Variants in SPHK1 observed in about 807,000 individuals in gnomAD.
SPHK1 encodes SK 1.
In SPHK1, 10 loss-of-function variants were observed where a neutral mutation model predicts 14.6. The observed-to-expected ratio is 0.68, with a 90% CI of 0.42 to 1.16. The LOEUF is 1.16. Among genes scored for constraint, SPHK1 ranks in the 50% most tolerant of loss-of-function variants. The pLI is 0.00. For missense variants in SPHK1, 553 were observed against 525.4 expected (o/e 1.05, Z -0.51); for synonymous variants, 274 against 224.0 (o/e 1.22, Z -1.99).
In SPHK1 at chr17:76,386,867, CT is replaced by C. The variant is rs1319363802; in HGVS notation, c.437del (p.Leu146ArgfsTer5). 6.2e-7 allele frequency: 1 copy of C among 1,602,680 alleles called. No homozygotes were observed. The highest frequency in any genetic ancestry group is 1.1e-5 in the South Asian group (1 of 90,092). ...TNCTLLLCRR[L>X]LSPMNLLSLH... ...CTGCACGCTATTGCTGTGCCGCCGG[CT>C]GCTGTCACCCATGAACCTGCTGTCT... On this transcript the variant is annotated frameshift_variant, in exon 6 of 6. Coordinates refer to ENST00000592299, the MANE Select transcript of SPHK1 (RefSeq NM_001142601.2). LOFTEE classifies it low-confidence loss of function (END_TRUNC). The surrounding 1 kb of genome is among the most constrained non-coding windows in gnomAD (Gnocchi z 5.3).
At position 76,386,568 on chromosome 17, in the gene SPHK1, TTTC is replaced by T; in HGVS notation, c.374+63_374+65del. ...GTCAGTGCTCCTCTACCGCGGGGGTTTTCTTGTCTAAGCTCCCATAGGCTGAGA... is the reference window on the plus strand; with the variant it reads ...GTCAGTGCTCCTCTACCGCGGGGGTTTTGTCTAAGCTCCCATAGGCTGAGA... On this transcript the variant is annotated intron_variant, in intron 5 of 5. Transcript: ENST00000592299. The surrounding 1 kb of genome is among the most constrained non-coding windows in gnomAD (Gnocchi z 5.3). 1.3e-6 allele frequency: 2 copies of T among 1,496,956 alleles called. No individual in the cohort carries two copies. Among genetic ancestry groups the T allele is most frequent in the Non-Finnish European group, 1.8e-6 (2 of 1,097,400 alleles). The allele number at this position is 1,496,956 out of a possible 1,614,324, so 92.7% of individuals were successfully genotyped here. A position where few individuals can be genotyped will look rare whatever the true frequency, so the allele number is the denominator to read the frequency against.
chr17:76,385,225 G>A lies in SPHK1; in HGVS notation c.-194-226G>A. ...GGGGCTCTGACTCATCCGTCGGGCCGGAACCGAACCCCAAGCCCCAGGGAG... is the reference window on the plus strand; with the variant it reads ...GGGGCTCTGACTCATCCGTCGGGCCAGAACCGAACCCCAAGCCCCAGGGAG... On this transcript the variant is annotated intron_variant, in intron 1 of 5. Coordinates refer to ENST00000592299, the MANE Select transcript of SPHK1 (RefSeq NM_001142601.2). This position sits in a 1 kb window ranked among gnomAD's most constrained non-coding sequence, Gnocchi z 5.3. 1.3e-6 allele frequency: 2 copies of A among 1,547,716 alleles called. No individual in the cohort carries two copies. Among genetic ancestry groups the A allele is most frequent in the Non-Finnish European group, 1.7e-6 (2 of 1,146,168 alleles).
rs2072021317 is a variant in SPHK1, at chr17:76,387,725, G to T, written c.*139G>T. ...GGTGAGAAGGTGGAGGCTATGCTTT[G>T]GGGGGACAGGCCAGAATGAAGTCCT... On this transcript the variant is annotated 3_prime_UTR_variant, in exon 6 of 6. Transcript: ENST00000592299. This position sits in a 1 kb window ranked among gnomAD's most constrained non-coding sequence, Gnocchi z 4.1. 1.9e-6 allele frequency: 2 copies of T among 1,028,296 alleles called. No individual in the cohort carries two copies. Among genetic ancestry groups the T allele is most frequent in the Middle Eastern group, 3.2e-4 (1 of 3,136 alleles). 63.7% of individuals were successfully genotyped at this position (1,028,296 alleles called of 1,614,324 possible).
Position 76,386,076 on chromosome 17 carries a change from C to A in SPHK1, c.102C>A (p.Phe34Leu). The A allele has an allele frequency of 6.2e-7, 1 of 1,607,002 alleles. No individual in the cohort carries two copies. Among genetic ancestry groups the A allele is most frequent in the Non-Finnish European group, 8.5e-7 (1 of 1,176,468 alleles). The change falls in exon 3 of 6, where the codon TTC becomes TTA. Residue 34 changes from phenylalanine to leucine, a missense_variant. Physicochemically the swap from Phe to Leu is conservative, Grantham distance 22. Coordinates refer to ENST00000592299, the MANE Select transcript of SPHK1 (RefSeq NM_001142601.2). The surrounding 1 kb of genome is among the most constrained non-coding windows in gnomAD (Gnocchi z 5.3). ...GCAAGGGCAAGGCCTTGCAGCTCTT[C>A]CGGAGTCACGTGCAGCCCCTTTTGG... is the stretch of plus-strand genomic sequence containing the variant. ...RGGKGKALQL[F>L]RSHVQPLLAE...
Position 76,385,135 on chromosome 17 carries a change from C to A in SPHK1, c.-194-316C>A. ...CCGCTCAAGTTCTGGGATTTTTACGCAGCTGGACTCCCCTCCCCCTGGCAG... is the reference window on the plus strand; with the variant it reads ...CCGCTCAAGTTCTGGGATTTTTACGAAGCTGGACTCCCCTCCCCCTGGCAG... On this transcript the variant is annotated intron_variant, in intron 1 of 5. Transcript: ENST00000592299. The surrounding 1 kb of genome is among the most constrained non-coding windows in gnomAD (Gnocchi z 5.3). The A allele has an allele frequency of 6.3e-7, 1 of 1,593,250 alleles. No individual in the cohort carries two copies.
Position 76,386,243 on chromosome 17 carries a change from G to A in SPHK1, c.186G>A (p.Glu62=), listed in dbSNP as rs1307057281. Reference sequence around the variant, plus strand: ...CAGAGCGGCGGAACCACGCGCGGGAGCTGGTGCGGTCGGAGGAGCTGGGCC... The same window carrying A: ...CAGAGCGGCGGAACCACGCGCGGGAACTGGTGCGGTCGGAGGAGCTGGGCC... ...MLTERRNHAR[E]LVRSEELGRW... The change falls in exon 4 of 6, where the codon GAG becomes GAA. Residue 62 remains glutamate, a synonymous_variant. Coordinates refer to ENST00000592299, the MANE Select transcript of SPHK1 (RefSeq NM_001142601.2). The surrounding 1 kb of genome is among the most constrained non-coding windows in gnomAD (Gnocchi z 5.3). 2 of 1,595,126 alleles carry A rather than the reference G, an allele frequency of 1.3e-6. No homozygotes were observed. Among genetic ancestry groups the A allele is most frequent in the Non-Finnish European group, 1.7e-6 (2 of 1,176,490 alleles).
chr17:76,383,892 A>G, upstream of SPHK1: 1 of 1,258,746 alleles, frequency 7.9e-7, no homozygotes, highest in Non-Finnish European at 1.0e-6. Context: ...AGGCCCATCT[A>G]CACTGTCAAG....
chr17:76,386,196 C>T lies in SPHK1; in HGVS notation c.164-25C>T. 1.3e-6 allele frequency: 2 copies of T among 1,595,176 alleles called. No homozygotes were observed. The highest frequency in any genetic ancestry group is 1.1e-5 in the South Asian group (1 of 90,474). Reference sequence around the variant, plus strand: ...CCCCTGGCAGGGGACCCCCCCAGTCCTGATAGCTGCCGGTCTCCCTGCAGA... The same window carrying T: ...CCCCTGGCAGGGGACCCCCCCAGTCTTGATAGCTGCCGGTCTCCCTGCAGA... On this transcript the variant is annotated intron_variant, in intron 3 of 5. Coordinates refer to ENST00000592299, the MANE Select transcript of SPHK1 (RefSeq NM_001142601.2). This position sits in a 1 kb window ranked among gnomAD's most constrained non-coding sequence, Gnocchi z 5.3.
Position 76,386,084 on chromosome 17 carries a change from A to C in SPHK1, c.110A>C (p.His37Pro). The change falls in exon 3 of 6, where the codon CAC becomes CCC. Residue 37 changes from histidine (H) to proline (P), a missense_variant. Coordinates refer to ENST00000592299, the MANE Select transcript of SPHK1 (RefSeq NM_001142601.2). The surrounding 1 kb of genome is among the most constrained non-coding windows in gnomAD (Gnocchi z 5.3). ...AAGGCCTTGCAGCTCTTCCGGAGTC[A>C]CGTGCAGCCCCTTTTGGCTGAGGCT... is the stretch of plus-strand genomic sequence containing the variant. ...KGKALQLFRS[H>P]VQPLLAEAEI... 1.2e-6 allele frequency: 2 copies of C among 1,605,810 alleles called. No individual in the cohort carries two copies. The highest frequency in any genetic ancestry group is 8.5e-7 in the Non-Finnish European group (1 of 1,175,696).
chr17:76,384,258 A>G (rs994364326), upstream of SPHK1: 1 of 152,234 alleles, frequency 6.6e-6, no homozygotes, highest in Non-Finnish European at 1.5e-5. Context: ...GCTCGCTCCG[A>G]CACGAGTTCG....
Position 76,385,873 on chromosome 17 carries a change from G to T in SPHK1, c.11-112G>T. The T allele has an allele frequency of 6.7e-7, 1 of 1,489,012 alleles. No homozygotes were observed. Among genetic ancestry groups the T allele is most frequent in the African/African-American group, 1.4e-5 (1 of 71,522 alleles). The allele number at this position is 1,489,012 out of a possible 1,614,324, so 92.2% of individuals were successfully genotyped here. A position where few individuals can be genotyped will look rare whatever the true frequency, so the allele number is the denominator to read the frequency against. ...AGCAAAGGCCGCTCCTCTGGCCAGG[G>T]TCAATTACCGGGGTGTTTCGGGCAC... On this transcript the variant is annotated intron_variant, in intron 2 of 5. Coordinates refer to ENST00000592299, the MANE Select transcript of SPHK1 (RefSeq NM_001142601.2). The surrounding 1 kb of genome is among the most constrained non-coding windows in gnomAD (Gnocchi z 5.3).
rs1281617785 is a variant in SPHK1, at chr17:76,387,437, GGT to G, written c.1011_1012del (p.Phe338CysfsTer9). The G allele has an allele frequency of 1.2e-5, 19 of 1,613,896 alleles. No individual in the cohort carries two copies. Among genetic ancestry groups the G allele is most frequent in the Non-Finnish European group, 1.6e-5 (19 of 1,180,020 alleles). ...AFRLEPKDGKGVFAVDGELMV... is the reference protein window; with the variant it reads ...AFRLEPKDGKXVFAVDGELMV... ...CCGCTTGGAGCCCAAGGATGGGAAA[GGT>G]GTGTTTGCAGTGGATGGGGAATTGA... On this transcript the variant is annotated frameshift_variant, in exon 6 of 6. Coordinates refer to ENST00000592299, the MANE Select transcript of SPHK1 (RefSeq NM_001142601.2). LOFTEE classifies it low-confidence loss of function (END_TRUNC). This position sits in a 1 kb window ranked among gnomAD's most constrained non-coding sequence, Gnocchi z 4.1.
At chr17:76,383,999 G>T, upstream of SPHK1, 2 of 662,442 alleles carry the variant, frequency 3.0e-6, no homozygotes, top group Non-Finnish European at 4.2e-6. Context: ...GCAGCGTCGG[G>T]AAGTTAAAAA....
At chr17:76,383,857 C>G, upstream of SPHK1, 1 of 1,283,324 alleles carries the variant, frequency 7.8e-7, no homozygotes, top group South Asian at 1.2e-5. Flanking sequence ...ACATGCTTGG[C>G]TTTCCAATCC....
In SPHK1 at chr17:76,385,138, C is replaced by A. The variant is rs753522321; in HGVS notation, c.-194-313C>A. 2 of 1,593,580 alleles carry A rather than the reference C, an allele frequency of 1.3e-6. No individual in the cohort carries two copies. The highest frequency in any genetic ancestry group is 1.7e-6 in the Non-Finnish European group (2 of 1,171,332). ...CTCAAGTTCTGGGATTTTTACGCAG[C>A]TGGACTCCCCTCCCCCTGGCAGCCC... On this transcript the variant is annotated intron_variant, in intron 1 of 5. Transcript: ENST00000592299. The surrounding 1 kb of genome is among the most constrained non-coding windows in gnomAD (Gnocchi z 5.3).
At position 76,385,504 on chromosome 17, in the gene SPHK1, G is replaced by A. The variant is rs2071953827; in HGVS notation, c.-141G>A. ...TGCTCCTGCAGCCACGGCTCCGGGCGGGGAAGGCGAGCCCCACAGCCGGCC... is the reference window on the plus strand; with the variant it reads ...TGCTCCTGCAGCCACGGCTCCGGGCAGGGAAGGCGAGCCCCACAGCCGGCC... On this transcript the variant is annotated 5_prime_UTR_variant, in exon 2 of 6. Transcript: ENST00000592299. This position sits in a 1 kb window ranked among gnomAD's most constrained non-coding sequence, Gnocchi z 5.3. 6.4e-7 allele frequency: 1 copy of A among 1,553,398 alleles called. No individual in the cohort carries two copies.
rs750596373 is a variant in SPHK1, at chr17:76,386,908, G to C, written c.477G>C (p.Ser159=). The C allele has an allele frequency of 5.6e-6, 9 of 1,612,320 alleles. No individual in the cohort carries two copies. Among genetic ancestry groups the C allele is most frequent in the Admixed American group, 3.3e-5 (2 of 59,928 alleles). Residue 159 remains serine (S), a synonymous_variant, in exon 6 of 6, where the codon TCG becomes TCC. Transcript: ENST00000592299. The surrounding 1 kb of genome is among the most constrained non-coding windows in gnomAD (Gnocchi z 5.3). Reference sequence around the variant, plus strand: ...ACCTGCTGTCTCTGCACACGGCTTCGGGGCTGCGCCTCTTCTCTGTGCTCA... The same window carrying C: ...ACCTGCTGTCTCTGCACACGGCTTCCGGGCTGCGCCTCTTCTCTGTGCTCA... ...PMNLLSLHTA[S]GLRLFSVLSL... is the part of the protein sequence containing the mutation.
Position 76,385,280 on chromosome 17 carries a change from G to T in SPHK1, c.-194-171G>T. The T allele has an allele frequency of 6.7e-7, 1 of 1,493,482 alleles. No homozygotes were observed. The highest frequency in any genetic ancestry group is 8.9e-7 in the Non-Finnish European group (1 of 1,119,818). The allele number at this position is 1,493,482 out of a possible 1,614,324, so 92.5% of individuals were successfully genotyped here. ...CCCCGGAGCAGGCGCCCTTCTCAGG[G>T]ATTGTAGGCTTAGTCACACGGCGGG... is the stretch of plus-strand genomic sequence containing the variant. On this transcript the variant is annotated intron_variant, in intron 1 of 5. Transcript: ENST00000592299. The surrounding 1 kb of genome is among the most constrained non-coding windows in gnomAD (Gnocchi z 5.3).
At chr17:76,383,842 G>A (rs1256523367), upstream of SPHK1, 11 of 1,286,100 alleles carry the variant, frequency 8.6e-6, no homozygotes, top group East Asian at 6.3e-4. Flanking sequence ...CGGGGGGCAC[G>A]TACCACATGC....
Sources: allele counts gnomAD v4.1 joint callset, GRCh38; gene constraint gnomAD v4.1.1; non-coding constraint Gnocchi (gnomAD v3.1); transcripts MANE v1.5; gene names NCBI Gene and HGNC (gene_info 2026-07-23, HGNC 2026-07-21).